USP46: variants seen among roughly 807,000 people sequenced by gnomAD.
USP46 encodes the protein ubiquitin specific peptidase 46.
In USP46, 12 loss-of-function variants were observed where a neutral mutation model predicts 44.4. The observed-to-expected ratio is 0.27, with a 90% CI of 0.17 to 0.44. The LOEUF (loss-of-function observed/expected upper bound fraction) is 0.44, where lower values mean the gene tolerates loss of function less well. Ranked by LOEUF, USP46 falls within the 20% of genes least tolerant of loss-of-function variation. USP46 has a pLI of 1.00. For missense variants in USP46, 248 were observed against 444.8 expected (o/e 0.56, Z 3.98); for synonymous variants, 155 against 161.5 (o/e 0.96, Z 0.31).
At chr4:52,619,241 T>A (rs1717284524) in intron 4 of USP46, among the ~76,000 whole-genome samples, 1 of 147,590 alleles carries the variant, frequency 6.8e-6, no homozygotes, top group African/African-American at 2.5e-5. Flanking sequence ...TCTCCATAAA[T>A]CCCTCAGTTG....
intron 1 of USP46, among the ~76,000 whole-genome samples, chr4:52,644,962 CAGG>C (rs1217466174): frequency 6.6e-6 from 1 of 152,180 alleles, no homozygotes; most frequent in East Asian, 1.9e-4. Flanking sequence ...GAGGCTGAGG[CAGG>C]AGAATTGCTT....
chr4:52,643,441 A>C (rs1340166022), intron 1 of USP46, among the ~76,000 whole-genome samples: 1 of 152,244 alleles, frequency 6.6e-6, no homozygotes, highest in Non-Finnish European at 1.5e-5. Context: ...TACTTATGGC[A>C]ACTACTTTCA....
rs190847416 is a variant in USP46, at chr4:52,631,053, T to G, written c.117+11A>C. ...AACATTTGATGAAAATAATACATTTTACATACTTACATTGACCAATCCGAA... is the reference window on the plus strand; with the variant it reads ...AACATTTGATGAAAATAATACATTTGACATACTTACATTGACCAATCCGAA... On this transcript the variant is annotated intron_variant, in intron 2 of 8. Transcript: ENST00000441222. The G allele has an allele frequency of 2.5e-4, 392 of 1,554,544 alleles. 2 individuals carry two copies. Among genetic ancestry groups the G allele is most frequent in the Non-Finnish European group, 8.1e-5 (93 of 1,147,892 alleles).
chr4:52,602,264 G>GGT (rs1314401364), intron 6 of USP46, among the ~76,000 whole-genome samples: 1 of 152,146 alleles, frequency 6.6e-6, no homozygotes, highest in Non-Finnish European at 1.5e-5. Context: ...AATGTACAAT[G>GGT]GTGTGTGTCT....
chr4:52,639,151 T>A (rs907225622), intron 1 of USP46, among the ~76,000 whole-genome samples: 1 of 152,248 alleles, frequency 6.6e-6, no homozygotes, highest in Non-Finnish European at 1.5e-5. Context: ...ATCATGATGA[T>A]AATTGCTTAA....
chr4:52,612,251 G>A (rs920716891), intron 4 of USP46, among the ~76,000 whole-genome samples: 3 of 152,122 alleles, frequency 2.0e-5, no homozygotes, highest in African/African-American at 4.8e-5. Context: ...TCCCAACTTC[G>A]TATAAAAAAG....
intron 4 of USP46, among the ~76,000 whole-genome samples, chr4:52,624,667 C>T (rs1309394418): frequency 2.0e-5 from 3 of 152,154 alleles, no homozygotes; most frequent in Non-Finnish European, 4.4e-5. Context: ...ATGTCTGTGT[C>T]CTCCCAAAAT....
At chr4:52,638,152 C>T (rs1011411755) in intron 1 of USP46, among the ~76,000 whole-genome samples, 2 of 152,172 alleles carry the variant, frequency 1.3e-5, no homozygotes, top group Non-Finnish European at 2.9e-5. Flanking sequence ...GGGAGATTAT[C>T]TTGGATTATC....
chr4:52,604,664 T>C, intron 5 of USP46, 80 bp from the exon 6 acceptor site: 1 of 912,460 alleles, frequency 1.1e-6, no homozygotes, highest in Non-Finnish European at 1.6e-6. Context: ...TCAATTAACC[T>C]GTAGGGTAAT....
Position 52,594,040 on chromosome 4 carries a change from G to T in USP46, c.*3600C>A, listed in dbSNP as rs1716129641. ...TATATTATAATGATCAGAATGTTCT[G>T]TACATTTCCACTGCTTCAAAATTGT... On this transcript the variant is annotated 3_prime_UTR_variant, in exon 9 of 9. Coordinates refer to ENST00000441222, the MANE Select transcript of USP46 (RefSeq NM_022832.4). The T allele has an allele frequency of 6.6e-6, 1 of 152,076 alleles. No individual in the cohort carries two copies. The highest frequency in any genetic ancestry group is 2.1e-4 in the South Asian group (1 of 4,832). The allele number at this position is 152,076 out of a possible 1,614,324, so 9.4% of individuals were successfully genotyped here. A position where few individuals can be genotyped will look rare whatever the true frequency, so the allele number is the denominator to read the frequency against.
In USP46 at chr4:52,642,425, C is replaced by A. The variant is rs182640001; in HGVS notation, c.37-11281G>T. Among the ~76,000 whole-genome samples the A allele has an allele frequency of 4.6e-5, 7 of 152,344 alleles. No individual in the cohort carries two copies. The East Asian group carries it at 1.2e-3, about 25-fold the overall frequency. On this transcript the variant is annotated intron_variant, in intron 1 of 8. Transcript: ENST00000441222. ...GGAATTGGGTTTGAACTTGAACAAT[C>A]TGGCTCCAGTGTGTGTGCCCCTAAC...
intron 4 of USP46, among the ~76,000 whole-genome samples, chr4:52,612,023 T>C (rs537910711): frequency 1.3e-5 from 2 of 152,276 alleles, no homozygotes; most frequent in South Asian, 4.1e-4. Flanking sequence ...TCCTCATCTG[T>C]AAAGTGGGGA....
At chr4:52,658,755 G>A (rs2109381189) in intron 1 of USP46, among the ~76,000 whole-genome samples, 1 of 152,288 alleles carries the variant, frequency 6.6e-6, no homozygotes, top group East Asian at 1.9e-4. Flanking sequence ...AAGAGGATGG[G>A]TGCCCCCCAC....
At chr4:52,617,693 G>C (rs1717211434) in intron 4 of USP46, among the ~76,000 whole-genome samples, 1 of 152,180 alleles carries the variant, frequency 6.6e-6, no homozygotes, top group African/African-American at 2.4e-5. Flanking sequence ...CGTGGAGGAA[G>C]GGTGTTGGTT....
rs188375600 is a variant in USP46, at chr4:52,615,162, G to A, written c.562-4545C>T. Among the ~76,000 whole-genome samples the A allele has an allele frequency of 2.6e-5, 4 of 152,152 alleles. No homozygotes were observed. The East Asian group carries it at 7.7e-4, about 29-fold the overall frequency. ...TAAATAGAAAACAAATGAAATGGCA[G>A]CCCCAAACCCAACTATATCAATAAT... On this transcript the variant is annotated intron_variant, in intron 4 of 8. Coordinates refer to ENST00000441222, the MANE Select transcript of USP46 (RefSeq NM_022832.4).
chr4:52,627,476 T>C (rs1717639488), intron 3 of USP46, among the ~76,000 whole-genome samples: 1 of 152,224 alleles, frequency 6.6e-6, no homozygotes, highest in African/African-American at 2.4e-5. Flanking sequence ...AGCAATCAAT[T>C]TGATATCCTT....
intron 1 of USP46, among the ~76,000 whole-genome samples, chr4:52,634,558 G>T (rs1718040393): frequency 6.6e-6 from 1 of 150,866 alleles, no homozygotes; most frequent in Admixed American, 6.6e-5. Context: ...CTGAGTAGCT[G>T]GGATTACAGG....
chr4:52,614,242 G>A (rs529570877), intron 4 of USP46, among the ~76,000 whole-genome samples: 1 of 152,242 alleles, frequency 6.6e-6, no homozygotes, highest in South Asian at 2.1e-4. Context: ...AGGGAGAATA[G>A]GGCAGTAGAA....
In USP46 at chr4:52,625,190, C is replaced by T. The variant is rs570150383; in HGVS notation, c.561+828G>A. ...CATTTATTGCCTACTTGCCATGTGC[C>T]AAGCATGGCTCTAGGTGTCAACTCA... On this transcript the variant is annotated intron_variant, in intron 4 of 8. Transcript: ENST00000441222. 1.5e-4 allele frequency among the ~76,000 whole-genome samples: 23 copies of T among 152,210 alleles called. No individual in the cohort carries two copies. In the South Asian group the frequency reaches 4.6e-3, roughly 30 times the overall value.
Sources: allele counts gnomAD v4.1 joint callset (sites outside exome capture counted in the v4.1 genomes callset), GRCh38; gene constraint gnomAD v4.1.1; transcripts MANE v1.5; gene names NCBI Gene and HGNC (gene_info 2026-07-23, HGNC 2026-07-21).